TASP1: variants seen among roughly 807,000 people sequenced by gnomAD.
TASP1 encodes threonine aspartase 1.
In TASP1, 16 loss-of-function variants were observed where a neutral mutation model predicts 56.6. That is an observed-to-expected ratio of 0.28 (90% confidence interval 0.19 to 0.43). The LOEUF (loss-of-function observed/expected upper bound fraction) is 0.43, where lower values mean the gene tolerates loss of function less well. TASP1 is among the 20% of genes least tolerant of loss of function. The probability of loss-of-function intolerance (pLI) is 1.00; values close to 1 mark genes in which losing one functional copy is unlikely to be tolerated. For synonymous variants in TASP1, 179 were observed against 184.2 expected (o/e 0.97, Z 0.23); for missense variants, 393 against 511.6 (o/e 0.77, Z 2.24).
At chr20:13,339,596 G>A in the TASP1 span, among the ~76,000 whole-genome samples, 1 of 152,078 alleles carries the variant, frequency 6.6e-6, no homozygotes, top group Non-Finnish European at 1.5e-5. Context: ...ATGTCTGGGG[G>A]CTTTGTTCTT....
chr20:13,596,960 A>G (rs1223635917), intron 4 of TASP1, among the ~76,000 whole-genome samples: 2 of 152,216 alleles, frequency 1.3e-5, no homozygotes, highest in Admixed American at 1.3e-4. Context: ...CTGGACACAC[A>G]TACCCTCCCA....
At chr20:13,617,458 G>C (rs1334549055) in intron 4 of TASP1, among the ~76,000 whole-genome samples, 1 of 152,096 alleles carries the variant, frequency 6.6e-6, no homozygotes, top group African/African-American at 2.4e-5. Flanking sequence ...AAGGGTGGTA[G>C]GTCTAAAATT....
the TASP1 span, among the ~76,000 whole-genome samples, chr20:13,326,107 C>G: frequency 6.6e-6 from 1 of 152,158 alleles, no homozygotes; most frequent in Non-Finnish European, 1.5e-5. Flanking sequence ...CAGCATAAGG[C>G]CTTTGAGATT....
At chr20:13,509,832 T>C (rs2044262409) in intron 10 of TASP1, among the ~76,000 whole-genome samples, 1 of 152,160 alleles carries the variant, frequency 6.6e-6, no homozygotes, top group South Asian at 2.1e-4. Flanking sequence ...TTCACCATAT[T>C]GGACAGGCTG....
the TASP1 span, among the ~76,000 whole-genome samples, chr20:13,267,770 G>A: frequency 1.3e-5 from 2 of 152,172 alleles, no homozygotes; most frequent in African/African-American, 4.8e-5. Flanking sequence ...GTTCATAGTA[G>A]GAAGAGTACT....
At chr20:13,212,270 C>T in the TASP1 span, among the ~76,000 whole-genome samples, 1 of 152,124 alleles carries the variant, frequency 6.6e-6, no homozygotes, top group South Asian at 2.1e-4. Context: ...ACAAAATGTA[C>T]AGCCACTAAT....
chr20:13,365,859 A>G, the TASP1 span, among the ~76,000 whole-genome samples: 1 of 152,172 alleles, frequency 6.6e-6, no homozygotes, highest in Non-Finnish European at 1.5e-5. Flanking sequence ...GGGGATAGGA[A>G]AGGAATGGAG....
At chr20:13,481,302 C>T (rs560380478) in intron 11 of TASP1, among the ~76,000 whole-genome samples, 11 of 152,034 alleles carry the variant, frequency 7.2e-5, no homozygotes, top group Admixed American at 1.3e-4. Flanking sequence ...ATATGTGCCA[C>T]GTTTTCTTTA....
chr20:13,583,724 G>A (rs1327524286), intron 5 of TASP1, among the ~76,000 whole-genome samples: 1 of 152,154 alleles, frequency 6.6e-6, no homozygotes, highest in East Asian at 1.9e-4. Flanking sequence ...CCTCATAACG[G>A]TATTACATAG....
chr20:13,520,199 A>C (rs954596563), intron 10 of TASP1, among the ~76,000 whole-genome samples: 1 of 152,206 alleles, frequency 6.6e-6, no homozygotes, highest in Non-Finnish European at 1.5e-5. Flanking sequence ...CATACTGTCC[A>C]AGGTAATTTA....
chr20:13,379,603 T>C, the TASP1 span, among the ~76,000 whole-genome samples: 1 of 152,124 alleles, frequency 6.6e-6, no homozygotes, highest in Non-Finnish European at 1.5e-5. Context: ...CTATATTTCC[T>C]ACATTTGAAT....
At chr20:13,537,615 A>G (rs2045463604) in intron 8 of TASP1, among the ~76,000 whole-genome samples, 1 of 152,188 alleles carries the variant, frequency 6.6e-6, no homozygotes, top group South Asian at 2.1e-4. Context: ...TATATGCACT[A>G]CACAGATACA....
rs189232941 is a variant in TASP1, at chr20:13,575,531, C to G, written c.488+5366G>C. Among the ~76,000 whole-genome samples the G allele has an allele frequency of 7.2e-5, 11 of 152,302 alleles. No homozygotes were observed. The East Asian group carries it at 2.1e-3, about 29-fold the overall frequency. ...AGAGGGACTTTTGCTCCTCCTTCAC[C>G]TTTTGCCATGATTGTGAGGCTTCGC... is the stretch of plus-strand genomic sequence containing the variant. On this transcript the variant is annotated intron_variant, in intron 6 of 13. Coordinates refer to ENST00000337743, the MANE Select transcript of TASP1 (RefSeq NM_017714.3).
At chr20:13,556,376 C>T (rs73899346) in intron 8 of TASP1, among the ~76,000 whole-genome samples, 1,605 of 152,280 alleles carry the variant, frequency 0.011, 33 homozygotes, top group African/African-American at 0.036. Context: ...CCAACTTCTA[C>T]TCTTACCTCC....
the TASP1 span, among the ~76,000 whole-genome samples, chr20:13,198,849 T>TC: frequency 7.4e-6 from 1 of 135,436 alleles, no homozygotes; most frequent in African/African-American, 2.6e-5. Context: ...TTTCTTTCTT[T>TC]CTTTCTTTCC....
the TASP1 span, among the ~76,000 whole-genome samples, chr20:13,371,889 T>C: frequency 5.3e-5 from 8 of 152,350 alleles, no homozygotes; most frequent in East Asian, 1.2e-3. Flanking sequence ...CATCATTACA[T>C]TGTATGCCCT....
At chr20:13,609,197 A>C (rs1031428040) in intron 4 of TASP1, among the ~76,000 whole-genome samples, 8 of 152,222 alleles carry the variant, frequency 5.3e-5, no homozygotes, top group Non-Finnish European at 2.9e-5. Flanking sequence ...TAATATATCC[A>C]ATATCATGAT....
chr20:13,487,676 T>TA (rs1380913180), intron 10 of TASP1, among the ~76,000 whole-genome samples: 2 of 151,808 alleles, frequency 1.3e-5, no homozygotes, highest in Non-Finnish European at 2.9e-5. Flanking sequence ...GAACTACCAA[T>TA]AAAAAATTCC....
intron 3 of TASP1, among the ~76,000 whole-genome samples, chr20:13,623,838 A>C (rs1211870769): frequency 6.6e-6 from 1 of 152,214 alleles, no homozygotes; most frequent in Admixed American, 6.5e-5. Context: ...GTTTGGTTCA[A>C]ATATCCTGAC....
Sources: gnomAD v4.1 joint callset for allele counts (sites outside exome capture counted in the v4.1 genomes callset) on GRCh38, gnomAD v4.1.1 for gene constraint, MANE v1.5 for transcripts, NCBI Gene and HGNC (gene_info 2026-07-23, HGNC 2026-07-21) for gene names.